Variants in SMAD1 observed in about 807,000 individuals in gnomAD.
SMAD1 encodes SMAD family member 1.
A neutral mutation model predicts 41.6 loss-of-function variants in SMAD1; 6 were observed. The observed-to-expected ratio is 0.14, with a 90% CI of 0.08 to 0.28. The LOEUF (loss-of-function observed/expected upper bound fraction) is 0.28, where lower values mean the gene tolerates loss of function less well. SMAD1 is among the 10% of genes least tolerant of loss of function. The pLI is 1.00. For synonymous variants in SMAD1, 206 were observed against 203.2 expected (o/e 1.01, Z -0.12); for missense variants, 379 against 582.6 (o/e 0.65, Z 3.60).
At chr4:145,494,446 T>C (rs1309228272) in intron 1 of SMAD1, among the ~76,000 whole-genome samples, 3 of 152,234 alleles carry the variant, frequency 2.0e-5, no homozygotes, top group African/African-American at 7.2e-5. Flanking sequence ...TCTGTTGTAA[T>C]GCCTTTTATT....
Position 145,546,889 on chromosome 4 carries a change from C to T in SMAD1, c.962C>T (p.Ser321Phe). ...CTGCTCTCCAATGTTAACCGGAATT[C>T]CACTATTGAAAACACCAGGCGGCAT... The part of the protein sequence containing the change: ...LGLLSNVNRN[S>F]TIENTRRHIG... Residue 321 changes from serine to phenylalanine, a missense_variant, in exon 5 of 7, where the codon TCC becomes TTC. Physicochemically the swap from Ser to Phe is radical, Grantham distance 155. Coordinates refer to ENST00000302085, the MANE Select transcript of SMAD1 (RefSeq NM_005900.3). The T allele has an allele frequency of 6.2e-7, 1 of 1,614,074 alleles. No individual in the cohort carries two copies. The highest frequency in any genetic ancestry group is 1.1e-5 in the South Asian group (1 of 91,080).
chr4:145,549,152 A>G (rs1240732902), intron 5 of SMAD1, among the ~76,000 whole-genome samples: 2 of 152,202 alleles, frequency 1.3e-5, no homozygotes, highest in African/African-American at 4.8e-5. Context: ...TTAAAGAGAT[A>G]TGACACCTGC....
At chr4:145,486,397 A>G (rs1728482614) in intron 1 of SMAD1, among the ~76,000 whole-genome samples, 1 of 152,252 alleles carries the variant, frequency 6.6e-6, no homozygotes, top group Admixed American at 6.5e-5. Context: ...CTGTCTTACC[A>G]AAATTAGTCT....
chr4:145,482,223 ACCCC>A lies in SMAD1; in HGVS notation c.-177+194_-177+197del. Among the ~76,000 whole-genome samples, 1 of 105,466 alleles carries A rather than the reference ACCCC, an allele frequency of 9.5e-6. No individual in the cohort carries two copies. The allele number at this position is 105,466 out of a possible 152,430, so 69.2% of individuals were successfully genotyped here. Reference sequence around the variant, plus strand: ...CTCTTTCTGCGCGGGGCGGGCCGCGACCCCCCCCCCCCATGATGGCGCCTCCCGT... The same window carrying A: ...CTCTTTCTGCGCGGGGCGGGCCGCGACCCCCCCCATGATGGCGCCTCCCGT... On this transcript the variant is annotated intron_variant, in intron 1 of 6. Transcript: ENST00000302085. This position sits in a 1 kb window ranked among gnomAD's most constrained non-coding sequence, Gnocchi z 4.2.
chr4:145,524,342 G>A (rs895485874), intron 2 of SMAD1, among the ~76,000 whole-genome samples: 1 of 151,666 alleles, frequency 6.6e-6, no homozygotes, highest in African/African-American at 2.4e-5. Flanking sequence ...TCTTTTCTGA[G>A]CAACTGTTCT....
chr4:145,511,623 A>C (rs1398700693), intron 1 of SMAD1, among the ~76,000 whole-genome samples: 1 of 152,184 alleles, frequency 6.6e-6, no homozygotes. Flanking sequence ...TTATTCTCTC[A>C]GTTGTTGCTT....
At chr4:145,547,764 A>G (rs1732327695) in intron 5 of SMAD1, among the ~76,000 whole-genome samples, 1 of 152,218 alleles carries the variant, frequency 6.6e-6, no homozygotes, top group Non-Finnish European at 1.5e-5. Flanking sequence ...AGGAGAATAG[A>G]AGTATCAGTG....
intron 1 of SMAD1, among the ~76,000 whole-genome samples, chr4:145,485,409 AT>A: frequency 6.6e-6 from 1 of 152,336 alleles, no homozygotes; most frequent in Middle Eastern, 3.4e-3. Context: ...TTAAAATTAA[AT>A]AAAAATTCGT....
intron 2 of SMAD1, among the ~76,000 whole-genome samples, chr4:145,523,900 GT>G (rs1560746148): frequency 6.6e-6 from 1 of 151,996 alleles, no homozygotes; most frequent in Non-Finnish European, 1.5e-5. Context: ...TTGGCTTTTT[GT>G]TTTGGTTTGT....
intron 2 of SMAD1, among the ~76,000 whole-genome samples, chr4:145,534,563 C>T (rs1476887595): frequency 6.6e-6 from 1 of 152,138 alleles, no homozygotes; most frequent in Non-Finnish European, 1.5e-5. Flanking sequence ...GGTACTGGGG[C>T]ACAGACTAGA....
chr4:145,509,799 A>G (rs1729979873), intron 1 of SMAD1, among the ~76,000 whole-genome samples: 1 of 152,206 alleles, frequency 6.6e-6, no homozygotes, highest in African/African-American at 2.4e-5. Context: ...AATGAAAATA[A>G]TACCAACTTC....
intron 2 of SMAD1, among the ~76,000 whole-genome samples, chr4:145,529,154 A>C (rs1270892698): frequency 6.6e-6 from 1 of 152,190 alleles, no homozygotes; most frequent in Non-Finnish European, 1.5e-5. Flanking sequence ...AGAATTTCCA[A>C]TTTTGGAACT....
At position 145,514,024 on chromosome 4, in the gene SMAD1, T is replaced by A. The variant is rs1171603469; in HGVS notation, c.-176-414T>A. ...GGTGGCTTAAATAACAGAAATAGAT[T>A]TTCTCTTTGTTCTGGAGTCTGGAAA... On this transcript the variant is annotated intron_variant, in intron 1 of 6. Transcript: ENST00000302085. This position sits in a 1 kb window ranked among gnomAD's most constrained non-coding sequence, Gnocchi z 4.7. Among the ~76,000 whole-genome samples the A allele has an allele frequency of 6.6e-6, 1 of 152,164 alleles. No homozygotes were observed. The highest frequency in any genetic ancestry group is 1.9e-4 in the East Asian group (1 of 5,202).
chr4:145,486,826 A>C (rs1046439265), intron 1 of SMAD1, among the ~76,000 whole-genome samples: 4 of 152,194 alleles, frequency 2.6e-5, no homozygotes, highest in Non-Finnish European at 4.4e-5. Context: ...TTACCTGTCT[A>C]GTGATTGGAA....
intron 6 of SMAD1, 23 bp downstream of exon 6, chr4:145,554,063 A>T: frequency 6.3e-7 from 1 of 1,580,258 alleles, no homozygotes; most frequent in Non-Finnish European, 8.6e-7. Flanking sequence ...CGACTCCTCC[A>T]TTTAGGGCCT....
At chr4:145,547,102 A>G (rs1732289631) in intron 5 of SMAD1, among the ~76,000 whole-genome samples, 178 bp downstream of exon 5, 1 of 152,170 alleles carries the variant, frequency 6.6e-6, no homozygotes, top group African/African-American at 2.4e-5. Flanking sequence ...GCAGTCAGTG[A>G]TTTTTGTGGT....
chr4:145,527,894 C>A (rs1731112503), intron 2 of SMAD1, among the ~76,000 whole-genome samples: 1 of 151,466 alleles, frequency 6.6e-6, no homozygotes, highest in African/African-American at 2.4e-5. Flanking sequence ...AGAATCCCAC[C>A]CTGTCACCCT....
Position 145,539,743 on chromosome 4 carries a change from A to G in SMAD1, c.401-61A>G, listed in dbSNP as rs1159702911. On this transcript the variant is annotated intron_variant, in intron 2 of 6. Transcript: ENST00000302085. ...ACAGATTATGTTTTACTTTATTGTG[A>G]TGTAATTATAGATCATAATTCTCAT... 1.7e-5 allele frequency: 26 copies of G among 1,496,666 alleles called. No individual in the cohort carries two copies. The East Asian group carries it at 5.2e-4, about 30-fold the overall frequency. 92.7% of individuals were successfully genotyped at this position (1,496,666 alleles called of 1,614,324 possible).
intron 2 of SMAD1, among the ~76,000 whole-genome samples, chr4:145,536,072 G>A (rs948260706): frequency 1.3e-5 from 2 of 151,680 alleles, no homozygotes; most frequent in African/African-American, 2.4e-5. Flanking sequence ...TCAGTGTATC[G>A]TAGAATTAAG....
Sources: gnomAD v4.1 joint callset for allele counts (sites outside exome capture counted in the v4.1 genomes callset) on GRCh38, gnomAD v4.1.1 for gene constraint, Gnocchi (gnomAD v3.1) non-coding constraint, MANE v1.5 for transcripts, NCBI Gene and HGNC (gene_info 2026-07-23, HGNC 2026-07-21) for gene names.